The following UBE2R2 variants were observed in gnomAD, a reference collection of about 807,000 sequenced individuals.
The protein encoded by UBE2R2 is ubiquitin-conjugating enzyme E2 R2.
UBE2R2 carries 1 observed loss-of-function variant against 27.8 expected under a neutral mutation model. The ratio of observed to expected loss-of-function variants is 0.04; its 90% CI spans 0.01 to 0.17. The LOEUF (loss-of-function observed/expected upper bound fraction) is 0.17, where lower values mean the gene tolerates loss of function less well. UBE2R2 is among the 10% of genes least tolerant of loss of function. The pLI is 1.00. For synonymous variants in UBE2R2, 106 were observed against 113.3 expected (o/e 0.94, Z 0.41); for missense variants, 100 against 291.0 (o/e 0.34, Z 4.78).
intron 2 of UBE2R2, among the ~76,000 whole-genome samples, chr9:33,891,105 A>C (rs1417941300): frequency 7.0e-6 from 1 of 143,282 alleles, no homozygotes; most frequent in Non-Finnish European, 1.5e-5. Context: ...GCTAGAGTGC[A>C]ATGGTGCAAT....
intron 2 of UBE2R2, among the ~76,000 whole-genome samples, chr9:33,898,612 T>C (rs1240871586): frequency 6.6e-6 from 1 of 152,154 alleles, no homozygotes; most frequent in Non-Finnish European, 1.5e-5. Flanking sequence ...AAATCTTAAG[T>C]CGTGTGTGGT....
At chr9:33,831,889 G>A (rs1372124768) in intron 1 of UBE2R2, among the ~76,000 whole-genome samples, 3 of 151,746 alleles carry the variant, frequency 2.0e-5, no homozygotes, top group Admixed American at 6.6e-5. Context: ...TCAAACTCCC[G>A]AACTCAGGTG....
intron 1 of UBE2R2, among the ~76,000 whole-genome samples, chr9:33,824,356 G>T (rs1232628456): frequency 1.3e-5 from 2 of 151,934 alleles, no homozygotes; most frequent in Non-Finnish European, 2.9e-5. Context: ...GCTGGTGTGG[G>T]CCGGGCGCGG....
At chr9:33,877,823 G>GTCTGTCTGTCTCTCTCTCTCTC in intron 1 of UBE2R2, among the ~76,000 whole-genome samples, 77 of 131,112 alleles carry the variant, frequency 5.9e-4, no homozygotes, top group African/African-American at 1.1e-3. Flanking sequence ...CTGTCTGTCT[G>GTCTGTCTGTCTCTCTCTCTCTC]TCTCTCTCTC....
At chr9:33,836,311 C>T (rs865978921) in intron 1 of UBE2R2, among the ~76,000 whole-genome samples, 2 of 152,150 alleles carry the variant, frequency 1.3e-5, no homozygotes, top group African/African-American at 4.8e-5. Context: ...TACAAGTATA[C>T]CATTTTTGTG....
chr9:33,852,877 G>A (rs777260290), intron 1 of UBE2R2, among the ~76,000 whole-genome samples: 61 of 152,012 alleles, frequency 4.0e-4, no homozygotes, highest in Non-Finnish European at 2.1e-4. Flanking sequence ...ATACAGTGGC[G>A]CACACCTGTA....
chr9:33,875,548 T>G (rs949933737), intron 1 of UBE2R2, among the ~76,000 whole-genome samples: 16 of 152,184 alleles, frequency 1.1e-4, no homozygotes, highest in African/African-American at 3.9e-4. Context: ...TTGGGCAACA[T>G]AGTGAGACCC....
Position 33,845,250 on chromosome 9 carries a change from CT to C in UBE2R2, c.177+27331del, listed in dbSNP as rs775624392. 3.8e-3 allele frequency among the ~76,000 whole-genome samples: 538 copies of C among 139,890 alleles called. 1 individual carries two copies. Among genetic ancestry groups the C allele is most frequent in the Middle Eastern group, 7.3e-3 (2 of 274 alleles). 91.8% of individuals were successfully genotyped at this position (139,890 alleles called of 152,430 possible). ...CCAGGCTGGAGTGCAGTGGCACAAT[CT>C]TTTTTTTTTTTTTTAGACGGAGTCT... On this transcript the variant is annotated intron_variant, in intron 1 of 4. Coordinates refer to ENST00000263228, the MANE Select transcript of UBE2R2 (RefSeq NM_017811.4).
intron 1 of UBE2R2, among the ~76,000 whole-genome samples, chr9:33,826,254 T>C (rs149627726): frequency 6.6e-6 from 1 of 152,342 alleles, no homozygotes; most frequent in East Asian, 1.9e-4. Context: ...AGATTATGCT[T>C]ATGTACCTCA....
intron 1 of UBE2R2, among the ~76,000 whole-genome samples, chr9:33,828,394 CTTT>C (rs200771475): frequency 3.0e-5 from 4 of 135,410 alleles, no homozygotes; most frequent in East Asian, 2.2e-4. Flanking sequence ...TCTCTTAAAA[CTTT>C]TTTTTTTTTT....
chr9:33,839,098 A>C (rs980298844), intron 1 of UBE2R2, among the ~76,000 whole-genome samples: 2 of 145,438 alleles, frequency 1.4e-5, no homozygotes, highest in Non-Finnish European at 3.0e-5. Flanking sequence ...AAAAAAAAAA[A>C]GTTGCTGTGG....
chr9:33,832,202 A>G (rs1820504705), intron 1 of UBE2R2, among the ~76,000 whole-genome samples: 1 of 151,540 alleles, frequency 6.6e-6, no homozygotes, highest in Non-Finnish European at 1.5e-5. Context: ...CAGCTACTTC[A>G]GAGGCTGAGG....
upstream of UBE2R2, among the ~76,000 whole-genome samples, chr9:33,816,034 A>G (rs1825747148): frequency 6.6e-6 from 1 of 152,104 alleles, no homozygotes; most frequent in Admixed American, 6.5e-5. Context: ...TGATCGCGCC[A>G]CTGTGCTACA....
Position 33,883,215 on chromosome 9 carries a change from T to C in UBE2R2, c.178-3666T>C, listed in dbSNP as rs372844635. Among the ~76,000 whole-genome samples, 31 of 152,340 alleles carry C rather than the reference T, an allele frequency of 2.0e-4. No homozygotes were observed. The South Asian group carries it at 6.4e-3, about 32-fold the overall frequency. Reference sequence around the variant, plus strand: ...ATGAAGATTTACACCTATGTTTTCTTTTAAGAATTTTATAGTTTCTCTCTT... The same window carrying C: ...ATGAAGATTTACACCTATGTTTTCTCTTAAGAATTTTATAGTTTCTCTCTT... On this transcript the variant is annotated intron_variant, in intron 1 of 4. Transcript: ENST00000263228.
intron 2 of UBE2R2, among the ~76,000 whole-genome samples, chr9:33,899,938 G>C (rs905265033): frequency 1.3e-5 from 2 of 152,088 alleles, no homozygotes; most frequent in Non-Finnish European, 2.9e-5. Context: ...CATCAGGATT[G>C]TTCTATAGGA....
At chr9:33,906,104 T>TTGTTG (rs1822350103) in intron 3 of UBE2R2, among the ~76,000 whole-genome samples, 5 of 140,810 alleles carry the variant, frequency 3.6e-5, no homozygotes, top group Non-Finnish European at 6.3e-5. Flanking sequence ...GTCGTCGTCG[T>TTGTTG]CGTTGTTGCT....
chr9:33,818,526 TG>T (rs1825885342), intron 1 of UBE2R2: 1 of 43,424 alleles, frequency 2.3e-5, no homozygotes, highest in African/African-American at 8.5e-5. Flanking sequence ...ACCCTAGGGG[TG>T]GTAAAAAAAA....
At chr9:33,828,979 C>T (rs1266797734) in intron 1 of UBE2R2, among the ~76,000 whole-genome samples, 3 of 152,168 alleles carry the variant, frequency 2.0e-5, no homozygotes, top group African/African-American at 7.2e-5. Flanking sequence ...AGGTGATCTG[C>T]CTGCCTCAGC....
intron 1 of UBE2R2, among the ~76,000 whole-genome samples, chr9:33,853,585 T>C (rs1272495751): frequency 6.6e-6 from 1 of 151,644 alleles, no homozygotes; most frequent in African/African-American, 2.4e-5. Flanking sequence ...GTGCCCAGCC[T>C]ATCTTTTCTA....
Sources: allele counts gnomAD v4.1 joint callset (sites outside exome capture counted in the v4.1 genomes callset), GRCh38; gene constraint gnomAD v4.1.1; transcripts MANE v1.5; gene names NCBI Gene and HGNC (gene_info 2026-07-23, HGNC 2026-07-21).